The following PREX2 variants were observed in gnomAD, a reference collection of about 807,000 sequenced individuals.
The protein encoded by PREX2 is phosphatidylinositol-3,4,5-trisphosphate dependent Rac exchange factor 2, also known as phosphatidylinositol 3,4,5-trisphosphate-dependent Rac exchanger 2 protein.
Under a neutral mutation model 203.2 loss-of-function variants are expected in PREX2, and 107 were observed. The observed-to-expected ratio is 0.53, with a 90% CI of 0.45 to 0.62. The LOEUF (loss-of-function observed/expected upper bound fraction) is 0.62. Among genes scored for constraint, PREX2 ranks in the 20% least tolerant of loss-of-function variants. The probability of loss-of-function intolerance (pLI) is 0.00; values close to 1 mark genes in which losing one functional copy is unlikely to be tolerated. For synonymous variants in PREX2, 672 were observed against 663.6 expected (o/e 1.01, Z -0.19); for missense variants, 1,777 against 1,955.9 (o/e 0.91, Z 1.72).
chr8:68,055,946 A>G lies in PREX2; in HGVS notation c.1210A>G (p.Thr404Ala), dbSNP rs1808665991. 6.2e-7 allele frequency: 1 copy of G among 1,612,024 alleles called. No homozygotes were observed. The highest frequency in any genetic ancestry group is 1.7e-5 in the Admixed American group (1 of 59,714). The change falls in exon 10 of 40, where the codon ACT becomes GCT. Residue 404 changes from threonine (T) to alanine (A), a missense_variant. Coordinates refer to ENST00000288368, the MANE Select transcript of PREX2 (RefSeq NM_024870.4). ...NLIKDRKRKL[T>A]TFPKCFLGSE... ...GATCAAAGACCGAAAGAGAAAACTGACTACGTTCCCTAAATGCTTTCTTGG... is the reference window on the plus strand; with the variant it reads ...GATCAAAGACCGAAAGAGAAAACTGGCTACGTTCCCTAAATGCTTTCTTGG...
intron 34 of PREX2, among the ~76,000 whole-genome samples, chr8:68,155,122 G>C (rs1438939106): frequency 1.3e-5 from 2 of 151,742 alleles, no homozygotes; most frequent in East Asian, 3.9e-4. Context: ...TGCAGGTCTA[G>C]TCTTAAGGTA....
intron 12 of PREX2, 150 bp downstream of exon 12, chr8:68,069,286 T>C (rs1448708602): frequency 1.8e-6 from 1 of 554,052 alleles, no homozygotes; most frequent in African/African-American, 2.0e-5. Flanking sequence ...TTATTTTTGG[T>C]ATTTCAAGAA....
intron 35 of PREX2, among the ~76,000 whole-genome samples, chr8:68,158,537 C>T (rs1811592135): frequency 6.6e-6 from 1 of 152,058 alleles, no homozygotes; most frequent in African/African-American, 2.4e-5. Context: ...GTCAGGCATT[C>T]TCACTGATTT....
At position 68,097,153 on chromosome 8, in the gene PREX2, G is replaced by A. The variant is rs371708502; in HGVS notation, c.2505G>A (p.Val835=). ...GCACAGCTGGCATCAAGTGCAATGT[G>A]GTGGAAAAGATGATTGAGCCCAAAG... ...YDSTAGIKCN[V]VEKMIEPKGF... Residue 835 remains valine, a synonymous_variant, in exon 22 of 40, where the codon GTG becomes GTA. Coordinates refer to ENST00000288368, the MANE Select transcript of PREX2 (RefSeq NM_024870.4). 3.7e-6 allele frequency: 6 copies of A among 1,613,668 alleles called. No individual in the cohort carries two copies. Among genetic ancestry groups the A allele is most frequent in the African/African-American group, 1.3e-5 (1 of 74,892 alleles).
intron 25 of PREX2, among the ~76,000 whole-genome samples, chr8:68,115,176 C>T (rs1272084674): frequency 3.3e-5 from 5 of 151,708 alleles, no homozygotes; most frequent in South Asian, 2.1e-4. Flanking sequence ...TACAAGCATG[C>T]GCCACCACGC....
Position 67,952,330 on chromosome 8 carries a change from G to T in PREX2, c.-65G>T. The stretch of plus-strand genomic sequence containing the variant: ...CATTCTCGCCGCCGGGGGCCGGGCA[G>T]CAGCGGGCGCGCGGGTCAGCGCTCA... On this transcript the variant is annotated 5_prime_UTR_variant, in exon 1 of 40. Coordinates refer to ENST00000288368, the MANE Select transcript of PREX2 (RefSeq NM_024870.4). 1 of 1,317,394 alleles carries T rather than the reference G, an allele frequency of 7.6e-7. No homozygotes were observed. Among genetic ancestry groups the T allele is most frequent in the East Asian group, 3.2e-5 (1 of 31,126 alleles). 81.6% of individuals were successfully genotyped at this position (1,317,394 alleles called of 1,614,324 possible).
chr8:68,185,185 C>T (rs1226720552), intron 35 of PREX2, among the ~76,000 whole-genome samples: 1 of 152,094 alleles, frequency 6.6e-6, no homozygotes, highest in Non-Finnish European at 1.5e-5. Context: ...TCTCGTTCAT[C>T]CTTTTGTTTT....
At chr8:68,150,783 A>G (rs1811418231) in intron 34 of PREX2, among the ~76,000 whole-genome samples, 1 of 152,154 alleles carries the variant, frequency 6.6e-6, no homozygotes, top group East Asian at 1.9e-4. Flanking sequence ...CTGCCCTAGC[A>G]AGTTACCACA....
intron 35 of PREX2, among the ~76,000 whole-genome samples, chr8:68,186,729 G>A (rs1369588945): frequency 6.6e-6 from 1 of 152,038 alleles, no homozygotes; most frequent in African/African-American, 2.4e-5. Flanking sequence ...GGTCAGGTTG[G>A]TTTCAAACTC....
At chr8:68,096,982 A>T in intron 21 of PREX2, 35 bp from the exon 22 acceptor site, 2 of 1,555,358 alleles carry the variant, frequency 1.3e-6, no homozygotes, top group African/African-American at 1.4e-5. Context: ...CAAATCCTTC[A>T]TGAATTTACT....
At chr8:67,977,466 T>C (rs1448020101) in intron 1 of PREX2, among the ~76,000 whole-genome samples, 1 of 152,196 alleles carries the variant, frequency 6.6e-6, no homozygotes, top group Admixed American at 6.5e-5. Context: ...CGTGATATTG[T>C]GATTTTTTTT....
chr8:68,218,705 C>T lies in PREX2; in HGVS notation c.4707+987C>T, dbSNP rs532291780. On this transcript the variant is annotated intron_variant, in intron 38 of 39. Transcript: ENST00000288368. ...TGCATTGCAGAATGCCAACAAAGCC[C>T]ATGAAAAAGTCAAATGAAGAGGCCA... Among the ~76,000 whole-genome samples, 31 of 152,314 alleles carry T rather than the reference C, an allele frequency of 2.0e-4. 1 individual carries two copies. The highest frequency in any genetic ancestry group is 1.9e-3 in the Admixed American group (29 of 15,294).
At chr8:68,193,257 T>A (rs1812331812) in intron 37 of PREX2, among the ~76,000 whole-genome samples, 1 of 152,178 alleles carries the variant, frequency 6.6e-6, no homozygotes, top group Non-Finnish European at 1.5e-5. Context: ...AGAATTTTAG[T>A]CCTTGTTTTA....
chr8:67,999,478 CA>C (rs58916146), intron 1 of PREX2, among the ~76,000 whole-genome samples: 1,739 of 92,100 alleles, frequency 0.019, 36 homozygotes, highest in African/African-American at 0.038. Flanking sequence ...GCCAACAAAC[CA>C]AAAAAAAAAA....
At chr8:68,191,860 T>G in intron 36 of PREX2, 72 bp downstream of exon 36, 1 of 1,057,608 alleles carries the variant, frequency 9.5e-7, no homozygotes. Flanking sequence ...TCTGCTGTTG[T>G]TCTGCAGAAA....
chr8:67,959,449 T>C (rs1216815542), intron 1 of PREX2, among the ~76,000 whole-genome samples: 1 of 151,980 alleles, frequency 6.6e-6, no homozygotes, highest in Non-Finnish European at 1.5e-5. Flanking sequence ...AAGGGGATGA[T>C]TTTGTCTAGG....
rs1809588557 is a variant in PREX2, at chr8:68,083,366, C to T, written c.2005C>T (p.Leu669Phe). Residue 669 changes from leucine to phenylalanine, a missense_variant, in exon 18 of 40, where the codon CTT becomes TTT. Coordinates refer to ENST00000288368, the MANE Select transcript of PREX2 (RefSeq NM_024870.4). Reference protein sequence around the residue: ...CLNSRKPLRVLVSTKPRETVK... With the variant: ...CLNSRKPLRVFVSTKPRETVK... ...AAACAGCAGAAAACCTCTAAGAGTTCTTGTGAGCACAAAGCCAAGAGAGTA... is the reference window on the plus strand; with the variant it reads ...AAACAGCAGAAAACCTCTAAGAGTTTTTGTGAGCACAAAGCCAAGAGAGTA... 1.2e-6 allele frequency: 2 copies of T among 1,608,558 alleles called. No individual in the cohort carries two copies. Among genetic ancestry groups the T allele is most frequent in the South Asian group, 1.1e-5 (1 of 90,152 alleles).
chr8:67,965,393 A>G (rs1370883334), intron 1 of PREX2, among the ~76,000 whole-genome samples: 1 of 152,272 alleles, frequency 6.6e-6, no homozygotes, highest in South Asian at 2.1e-4. Flanking sequence ...GTGTTTAAAT[A>G]TAGCTCGTGT....
intron 25 of PREX2, 94 bp downstream of exon 25, chr8:68,109,717 G>A (rs1810499735): frequency 9.0e-6 from 9 of 1,004,176 alleles, no homozygotes; most frequent in Non-Finnish European, 1.3e-5. Flanking sequence ...TTTAGTTATT[G>A]GAAATTTAGG....
Sources: allele counts gnomAD v4.1 joint callset (sites outside exome capture counted in the v4.1 genomes callset), GRCh38; gene constraint gnomAD v4.1.1; transcripts MANE v1.5; gene names NCBI Gene and HGNC (gene_info 2026-07-23, HGNC 2026-07-21).